The following MTR variants were observed in gnomAD, a reference collection of about 807,000 sequenced individuals.
MTR encodes methionine synthase.
In MTR, 84 loss-of-function variants were observed where a neutral mutation model predicts 154.8. That is an observed-to-expected ratio of 0.54 (90% CI 0.45 to 0.65). MTR has a LOEUF of 0.65. Among genes scored for constraint, MTR ranks in the 30% least tolerant of loss-of-function variants. The probability of loss-of-function intolerance (pLI) is 0.00; values close to 1 mark genes in which losing one functional copy is unlikely to be tolerated. For missense variants in MTR, 1,275 were observed against 1,570.2 expected, an observed-to-expected ratio of 0.81 and a Z score of 3.18; for synonymous variants, 554 against 553.9, an observed-to-expected ratio of 1.00 and a Z score of 0.00.
At chr1:236,876,378 T>C (rs1267718147) in intron 24 of MTR, among the ~76,000 whole-genome samples, 1 of 152,206 alleles carries the variant, frequency 6.6e-6, no homozygotes, top group Non-Finnish European at 1.5e-5. Flanking sequence ...GTGGCAGACT[T>C]GGTCTCAAGG....
intron 7 of MTR, among the ~76,000 whole-genome samples, chr1:236,816,095 G>T (rs1661578091): frequency 6.6e-6 from 1 of 152,196 alleles, no homozygotes; most frequent in African/African-American, 2.4e-5. Context: ...CAAAACAAGG[G>T]TGTTAGATAA....
rs1444219431 is a variant in MTR, at chr1:236,810,590, A to G, written c.497A>G (p.Asn166Ser). 6.2e-7 allele frequency: 1 copy of G among 1,612,106 alleles called. No homozygotes were observed. ...TCTGTGGAAAGGCCGGATTATAGGA[A>G]CATCAGTGAGTATTTACCACATATA... The part of the protein sequence containing the change: ...SPSVERPDYR[N>S]ITFDELVEAY... The change falls in exon 5 of 33, where the codon AAC becomes AGC. Residue 166 changes from asparagine (N) to serine (S), a missense_variant. Physicochemically the swap from Asn to Ser is conservative, Grantham distance 46 (BLOSUM62 1). Transcript: ENST00000366577.
At chr1:236,836,169 TGTCA>T (rs947186388) in intron 14 of MTR, among the ~76,000 whole-genome samples, 8 of 152,206 alleles carry the variant, frequency 5.3e-5, no homozygotes, top group Non-Finnish European at 8.8e-5. Context: ...TTGATTTTCG[TGTCA>T]GTCTTTTAAA....
In MTR at chr1:236,838,463, T is replaced by A; in HGVS notation, c.1379T>A (p.Leu460Ter). The change falls in exon 15 of 33, where the codon TTA becomes TAA. Residue 460 changes from leucine (L) to a stop codon, truncating the protein, a stop_gained. Transcript: ENST00000366577. LOFTEE classifies it high-confidence loss of function. ...AATTTTGCTGTGATTGAAGCTGGGT[T>A]AAAGTGCTGCCAAGGGAAGTGCATT... is the stretch of plus-strand genomic sequence containing the variant. ...SSNFAVIEAGLKCCQGKCIVN... is the reference protein window; with the variant it reads ...SSNFAVIEAG 1.2e-6 allele frequency: 2 copies of A among 1,614,146 alleles called. No homozygotes were observed. The highest frequency in any genetic ancestry group is 1.7e-6 in the Non-Finnish European group (2 of 1,180,006).
At chr1:236,829,782 G>T (rs1269070699) in intron 12 of MTR, among the ~76,000 whole-genome samples, 1 of 152,138 alleles carries the variant, frequency 6.6e-6, no homozygotes, top group African/African-American at 2.4e-5. Context: ...CTTTGAGGTG[G>T]GTAGCCTCCC....
intron 14 of MTR, 123 bp from the exon 15 acceptor site, chr1:236,838,291 C>A: frequency 1.0e-6 from 1 of 965,988 alleles, no homozygotes; most frequent in Non-Finnish European, 1.6e-6. Flanking sequence ...CTATCTCTGA[C>A]ATACTACTAT....
intron 16 of MTR, among the ~76,000 whole-genome samples, chr1:236,851,208 A>T (rs113812745): frequency 5.3e-4 from 81 of 152,262 alleles, no homozygotes; most frequent in Non-Finnish European, 1.0e-3. Flanking sequence ...GAGTGGCCCA[A>T]CCCATATTAT....
intron 15 of MTR, among the ~76,000 whole-genome samples, chr1:236,848,564 T>C (rs1176595865): frequency 6.6e-6 from 1 of 152,148 alleles, no homozygotes; most frequent in Non-Finnish European, 1.5e-5. Flanking sequence ...GTCTCAACCT[T>C]AACCTTTTCA....
At chr1:236,868,528 A>C (rs1664946418) in intron 22 of MTR, among the ~76,000 whole-genome samples, 1 of 152,196 alleles carries the variant, frequency 6.6e-6, no homozygotes, top group African/African-American at 2.4e-5. Flanking sequence ...GAATATTTGG[A>C]AATATTTTTG....
intron 22 of MTR, among the ~76,000 whole-genome samples, chr1:236,868,019 T>C (rs1435807063): frequency 6.6e-6 from 1 of 152,244 alleles, no homozygotes; most frequent in Non-Finnish European, 1.5e-5. Flanking sequence ...TTTGAGATGA[T>C]TGGCCTACAA....
chr1:236,832,755 G>T (rs1210052975), intron 13 of MTR, among the ~76,000 whole-genome samples: 1 of 152,154 alleles, frequency 6.6e-6, no homozygotes, highest in African/African-American at 2.4e-5. Context: ...ACCTTTAGGA[G>T]ATCTTCCAGA....
chr1:236,795,879 A>T, intron 1 of MTR, 142 bp downstream of exon 1: 3 of 1,303,670 alleles, frequency 2.3e-6, no homozygotes, highest in Non-Finnish European at 3.3e-6. Flanking sequence ...TTTAGAACTT[A>T]GCGCAGGAGC....
intron 17 of MTR, 90 bp from the exon 18 acceptor site, chr1:236,852,858 T>C: frequency 1.2e-5 from 17 of 1,477,198 alleles, no homozygotes; most frequent in Non-Finnish European, 1.6e-5. Flanking sequence ...GCCTAAAATA[T>C]TTCTCTCTGG....
chr1:236,885,946 T>C (rs962982969), intron 26 of MTR, among the ~76,000 whole-genome samples: 1 of 152,150 alleles, frequency 6.6e-6, no homozygotes, highest in Non-Finnish European at 1.5e-5. Flanking sequence ...AATTCTACCT[T>C]CTGGTCCTCA....
intron 24 of MTR, among the ~76,000 whole-genome samples, chr1:236,877,299 T>C (rs1396757272): frequency 6.6e-6 from 1 of 152,178 alleles, no homozygotes; most frequent in Non-Finnish European, 1.5e-5. Context: ...ACAAATCATA[T>C]AGATGTACAA....
At chr1:236,886,241 G>C (rs1316546446) in intron 26 of MTR, 51 bp from the exon 27 acceptor site, 1 of 1,466,522 alleles carries the variant, frequency 6.8e-7, no homozygotes, top group Non-Finnish European at 9.5e-7. Context: ...TTTCACAGTA[G>C]TTGTAGAAAA....
At position 236,795,380 on chromosome 1, in the gene MTR, G is replaced by A; in HGVS notation, c.-324G>A. On this transcript the variant is annotated 5_prime_UTR_variant, in exon 1 of 33. Coordinates refer to ENST00000366577, the MANE Select transcript of MTR (RefSeq NM_000254.3). Reference sequence around the variant, plus strand: ...TCCTCCTCTGCCGGTTTTCTCTTGGGTCCTTTTCCGTGCCGTCCCGCGACT... The same window carrying A: ...TCCTCCTCTGCCGGTTTTCTCTTGGATCCTTTTCCGTGCCGTCCCGCGACT... The A allele has an allele frequency of 7.1e-7, 1 of 1,398,606 alleles. No individual in the cohort carries two copies. The highest frequency in any genetic ancestry group is 1.2e-5 in the South Asian group (1 of 81,702). 86.6% of individuals were successfully genotyped at this position (1,398,606 alleles called of 1,614,324 possible).
At chr1:236,887,541 A>G (rs1027849471) in intron 27 of MTR, among the ~76,000 whole-genome samples, 5 of 152,258 alleles carry the variant, frequency 3.3e-5, no homozygotes, top group African/African-American at 9.6e-5. Flanking sequence ...GAATAATAAC[A>G]CAAGGGCAAG....
intron 6 of MTR, among the ~76,000 whole-genome samples, chr1:236,815,166 CTTAT>C (rs1355728886): frequency 1.3e-5 from 2 of 152,132 alleles, no homozygotes; most frequent in East Asian, 1.9e-4. Flanking sequence ...CAGGGACATT[CTTAT>C]TTATTTATTT....
Sources: allele counts gnomAD v4.1 joint callset (sites outside exome capture counted in the v4.1 genomes callset), GRCh38; gene constraint gnomAD v4.1.1; transcripts MANE v1.5; gene names NCBI Gene and HGNC (gene_info 2026-07-23, HGNC 2026-07-21).